The following RIT2 variants were observed in gnomAD, a reference collection of about 807,000 sequenced individuals.
The protein encoded by RIT2 is Ras like without CAAX 2, also known as GTP-binding protein Rit2.
In RIT2, 24 loss-of-function variants were observed where a neutral mutation model predicts 23.7. That is an observed-to-expected ratio of 1.01 (90% CI 0.73 to 1.43). The LOEUF (loss-of-function observed/expected upper bound fraction) is 1.43. RIT2 is among the 40% of genes most tolerant of loss of function. The pLI is 0.00. For synonymous variants in RIT2, 107 were observed against 91.1 expected, an observed-to-expected ratio of 1.17 and a Z score of -0.99; for missense variants, 236 against 266.9, an observed-to-expected ratio of 0.88 and a Z score of 0.81.
At chr18:42,852,399 C>T (rs1305663579) in intron 4 of RIT2, among the ~76,000 whole-genome samples, 1 of 152,096 alleles carries the variant, frequency 6.6e-6, no homozygotes, top group Non-Finnish European at 1.5e-5. Context: ...ACTTAGGATA[C>T]ATAACAAAAT....
intron 4 of RIT2, among the ~76,000 whole-genome samples, chr18:42,796,585 C>T (rs1426791967): frequency 6.6e-6 from 1 of 152,134 alleles, no homozygotes; most frequent in Non-Finnish European, 1.5e-5. Context: ...TGAAGCTCTC[C>T]CTTAGCCCTG....
intron 4 of RIT2, among the ~76,000 whole-genome samples, chr18:42,809,963 A>G (rs1039373362): frequency 1.4e-5 from 2 of 145,616 alleles, no homozygotes; most frequent in Non-Finnish European, 3.0e-5. Flanking sequence ...TAATTTGTAT[A>G]TGTTATATAT....
At chr18:42,824,066 TC>T (rs1456671000) in intron 4 of RIT2, among the ~76,000 whole-genome samples, 1 of 152,134 alleles carries the variant, frequency 6.6e-6, no homozygotes, top group African/African-American at 2.4e-5. Flanking sequence ...AAATAGTTAT[TC>T]AGTAAATGAT....
intron 3 of RIT2, among the ~76,000 whole-genome samples, chr18:42,959,638 C>G (rs1568040027): frequency 6.6e-6 from 1 of 152,136 alleles, no homozygotes; most frequent in Admixed American, 6.6e-5. Context: ...CTCTGGGGAC[C>G]AGTCATTTGT....
At chr18:42,848,394 G>A (rs1382698613) in intron 4 of RIT2, among the ~76,000 whole-genome samples, 1 of 152,138 alleles carries the variant, frequency 6.6e-6, no homozygotes, top group Non-Finnish European at 1.5e-5. Flanking sequence ...AGTTAAGTGA[G>A]TAGATATATC....
chr18:42,864,062 A>T (rs775559684), intron 4 of RIT2, among the ~76,000 whole-genome samples: 1 of 151,984 alleles, frequency 6.6e-6, no homozygotes, highest in Non-Finnish European at 1.5e-5. Context: ...AAACGATATG[A>T]AATTGATACT....
chr18:43,049,747 G>A (rs1912331956), intron 1 of RIT2, among the ~76,000 whole-genome samples: 1 of 151,956 alleles, frequency 6.6e-6, no homozygotes, highest in African/African-American at 2.4e-5. Flanking sequence ...GAAACTTACA[G>A]GCAAAGGAAA....
chr18:42,808,270 T>C (rs1320144875), intron 4 of RIT2, among the ~76,000 whole-genome samples: 1 of 152,208 alleles, frequency 6.6e-6, no homozygotes, highest in Non-Finnish European at 1.5e-5. Flanking sequence ...GCTGGATATT[T>C]ACCATACTCA....
chr18:43,020,394 G>A (rs923472589), intron 2 of RIT2, among the ~76,000 whole-genome samples: 16 of 152,082 alleles, frequency 1.1e-4, no homozygotes, highest in Admixed American at 9.8e-4. Context: ...GCTGAGGCAT[G>A]AGAATCACTT....
chr18:43,057,686 G>T (rs1055621121), intron 1 of RIT2, among the ~76,000 whole-genome samples: 1 of 151,688 alleles, frequency 6.6e-6, no homozygotes, highest in African/African-American at 2.4e-5. Context: ...TAAGATTAGG[G>T]GTATAGCACC....
At chr18:42,836,686 A>C (rs632168) in intron 4 of RIT2, among the ~76,000 whole-genome samples, 37,815 of 152,112 alleles carry the variant, frequency 0.25, 5,840 homozygotes, top group East Asian at 0.42. Context: ...GCCACCAGCT[A>C]TTTTAGCCTC....
intron 1 of RIT2, among the ~76,000 whole-genome samples, chr18:43,069,635 T>A (rs1912853935): frequency 6.6e-6 from 1 of 152,144 alleles, no homozygotes; most frequent in South Asian, 2.1e-4. Context: ...ATCAAATCCT[T>A]TTATATCCCT....
chr18:42,996,928 C>G (rs1910998616), intron 2 of RIT2, among the ~76,000 whole-genome samples: 1 of 152,102 alleles, frequency 6.6e-6, no homozygotes, highest in African/African-American at 2.4e-5. Context: ...CTCTTATTCC[C>G]TCCTCCTTCT....
At chr18:43,048,628 C>A (rs947474432) in intron 1 of RIT2, among the ~76,000 whole-genome samples, 3 of 152,114 alleles carry the variant, frequency 2.0e-5, no homozygotes, top group East Asian at 3.9e-4. Context: ...ATCGTAAGTT[C>A]TTGATAAACA....
At chr18:42,808,994 G>A (rs957669128) in intron 4 of RIT2, among the ~76,000 whole-genome samples, 3 of 152,200 alleles carry the variant, frequency 2.0e-5, no homozygotes, top group Middle Eastern at 3.4e-3. Context: ...TAGAATGTAC[G>A]CACATTGGGT....
Position 43,067,100 on chromosome 18 carries a change from G to A in RIT2, c.104-33233C>T, listed in dbSNP as rs568657996. ...CTAGTGTAATATTATTCAAAGTAAC[G>A]ATAACTTTCTGGGATACAACATGAG... is the stretch of plus-strand genomic sequence containing the variant. On this transcript the variant is annotated intron_variant, in intron 1 of 4. Coordinates refer to ENST00000326695, the MANE Select transcript of RIT2 (RefSeq NM_002930.4). Among the ~76,000 whole-genome samples, 18 of 152,004 alleles carry A rather than the reference G, an allele frequency of 1.2e-4. No homozygotes were observed. The East Asian group carries it at 3.3e-3, about 28-fold the overall frequency.
intron 1 of RIT2, among the ~76,000 whole-genome samples, chr18:43,099,766 A>G (rs1913639854): frequency 6.6e-6 from 1 of 152,146 alleles, no homozygotes; most frequent in Admixed American, 6.6e-5. Context: ...AAATTTGCAT[A>G]GAATAATCCA....
chr18:43,007,491 A>AG (rs1911253905), intron 2 of RIT2, among the ~76,000 whole-genome samples: 2 of 151,670 alleles, frequency 1.3e-5, no homozygotes, highest in African/African-American at 4.8e-5. Context: ...GACAAACCAG[A>AG]GGTTTTTGAG....
intron 1 of RIT2, among the ~76,000 whole-genome samples, chr18:43,091,429 A>T (rs1198707979): frequency 6.6e-6 from 1 of 152,092 alleles, no homozygotes; most frequent in Non-Finnish European, 1.5e-5. Context: ...CATCAGTTCT[A>T]ACATTTAGAT....
Sources: gnomAD v4.1 joint callset for allele counts (sites outside exome capture counted in the v4.1 genomes callset) on GRCh38, gnomAD v4.1.1 for gene constraint, MANE v1.5 for transcripts, NCBI Gene and HGNC (gene_info 2026-07-23, HGNC 2026-07-21) for gene names.